TSPAN16: variants seen among roughly 807,000 people sequenced by gnomAD.
TSPAN16 encodes tetraspanin-16.
A neutral mutation model predicts 25.2 loss-of-function variants in TSPAN16; 23 were observed. The observed-to-expected ratio is 0.91, with a 90% CI of 0.66 to 1.29. TSPAN16 has a LOEUF of 1.29. TSPAN16 is among the 50% of genes most tolerant of loss of function. The pLI, the probability that TSPAN16 is intolerant of heterozygous loss-of-function variation, is 0.00. For synonymous variants in TSPAN16, 123 were observed against 124.4 expected, an observed-to-expected ratio of 0.99 and a Z score of 0.08; for missense variants, 272 against 299.9, an observed-to-expected ratio of 0.91 and a Z score of 0.69.
downstream of TSPAN16, among the ~76,000 whole-genome samples, chr19:11,318,268 G>A (rs1568296421): frequency 6.6e-6 from 1 of 151,884 alleles, no homozygotes; most frequent in African/African-American, 2.4e-5. Context: ...CTCGTGATCC[G>A]CCCCCCTAGG....
intron 4 of TSPAN16, among the ~76,000 whole-genome samples, chr19:11,305,462 G>A (rs1188611775): frequency 6.6e-6 from 1 of 151,756 alleles, no homozygotes; most frequent in Non-Finnish European, 1.5e-5. Context: ...CCCAGGAGGT[G>A]GAAGTTGCAG....
Position 11,298,219 on chromosome 19 carries a change from G to T in TSPAN16, c.147G>T (p.Leu49=). The T allele has an allele frequency of 6.2e-7, 1 of 1,614,168 alleles. No individual in the cohort carries two copies. Among genetic ancestry groups the T allele is most frequent in the Non-Finnish European group, 8.5e-7 (1 of 1,180,032 alleles). The change falls in exon 2 of 7, where the codon CTG becomes CTT. Residue 49 remains leucine (L), a synonymous_variant. Transcript: ENST00000590327. The part of the protein sequence containing the change: ...GGASLTNVLG[L]SSAYLLHVGN... ...CCTCTCTGACGAATGTCCTCGGGCT[G>T]TCCTCCGCATACCTCCTTCACGTTG...
chr19:11,321,373 A>T lies in TSPAN16; in HGVS notation c.688-5421A>T, dbSNP rs1242859752. 2.0e-5 allele frequency: 3 copies of T among 152,178 alleles called. No individual in the cohort carries two copies. The East Asian group carries it at 5.8e-4, about 29-fold the overall frequency. The allele number at this position is 152,178 out of a possible 1,614,324, so 9.4% of individuals were successfully genotyped here. On this transcript the variant is annotated intron_variant, in intron 6 of 6. Transcript: ENST00000316737. ...TTATAAAACCATCAGATCTCGTGAG[A>T]ACTCACTTGCTATCAGGAGAACAGC...
intron 4 of TSPAN16, among the ~76,000 whole-genome samples, chr19:11,303,475 A>G (rs1483067864): frequency 2.1e-5 from 3 of 139,734 alleles, no homozygotes; most frequent in Non-Finnish European, 3.1e-5. Flanking sequence ...TCACTTGTTT[A>G]TCTGCTGACC....
chr19:11,303,575 ATT>A (rs56053059), intron 4 of TSPAN16, among the ~76,000 whole-genome samples: 21,209 of 118,654 alleles, frequency 0.18, 1,931 homozygotes, highest in Admixed American at 0.2. Context: ...AAATAAATAA[ATT>A]AAAAAAAAAA....
At chr19:11,325,283 A>G in intron 6 of TSPAN16, 2 of 667,526 alleles carry the variant, frequency 3.0e-6, no homozygotes, top group Non-Finnish European at 5.0e-6. Flanking sequence ...GTCGGGGAGC[A>G]GTTGACAGGA....
intron 4 of TSPAN16, among the ~76,000 whole-genome samples, chr19:11,305,565 T>C (rs2147944744): frequency 6.7e-6 from 1 of 150,250 alleles, no homozygotes; most frequent in East Asian, 2.0e-4. Flanking sequence ...AAAATAAAAA[T>C]AAAAATAAAA....
intron 3 of TSPAN16, chr19:11,300,935 G>A (rs2080538824): frequency 2.9e-6 from 1 of 349,058 alleles, no homozygotes; most frequent in Non-Finnish European, 5.4e-6. Flanking sequence ...ATTCCAAAGA[G>A]CAGATGATTC....
chr19:11,303,577 T>TAAAAAAAAAAAAAAAAA (rs1322861353), intron 4 of TSPAN16, among the ~76,000 whole-genome samples: 1 of 78,302 alleles, frequency 1.3e-5, no homozygotes, highest in Non-Finnish European at 2.7e-5. Flanking sequence ...ATAAATAAAT[T>TAAAAAAAAAAAAAAAAA]AAAAAAAAAA....
At chr19:11,297,717 G>A (rs1168361742) in intron 1 of TSPAN16, among the ~76,000 whole-genome samples, 1 of 151,992 alleles carries the variant, frequency 6.6e-6, no homozygotes, top group African/African-American at 2.4e-5. Flanking sequence ...GGCTGGTCTC[G>A]AACTCCTGAC....
chr19:11,301,460 T>A (rs779642058), intron 4 of TSPAN16, 152 bp downstream of exon 4: 24 of 556,526 alleles, frequency 4.3e-5, no homozygotes, highest in Non-Finnish European at 6.8e-5. Context: ...GCCAACATGG[T>A]GAAACCCCGT....
chr19:11,304,473 GCTGGGACTA>G (rs1418690429), intron 4 of TSPAN16, among the ~76,000 whole-genome samples: 1 of 151,546 alleles, frequency 6.6e-6, no homozygotes, highest in Non-Finnish European at 1.5e-5. Context: ...CTCCCGAGTA[GCTGGGACTA>G]CAGGTGCACA....
At chr19:11,301,347 G>A (rs757217071) in intron 4 of TSPAN16, 39 bp downstream of exon 4, 4 of 1,532,710 alleles carry the variant, frequency 2.6e-6, no homozygotes, top group Non-Finnish European at 2.7e-6. Context: ...TGGTGTAAAG[G>A]TACACAACAT....
chr19:11,320,998 G>A (rs531727686), intron 6 of TSPAN16, among the ~76,000 whole-genome samples: 57 of 152,030 alleles, frequency 3.7e-4, no homozygotes, highest in Middle Eastern at 3.4e-3. Flanking sequence ...GTGAAACCCC[G>A]TCTCTACTAA....
chr19:11,296,614 T>C (rs914111836), intron 1 of TSPAN16, among the ~76,000 whole-genome samples: 1 of 152,220 alleles, frequency 6.6e-6, no homozygotes, highest in Non-Finnish European at 1.5e-5. Context: ...ATGGAAGAGC[T>C]TGGCTCTAAG....
chr19:11,302,819 A>G (rs2080577709), intron 4 of TSPAN16, among the ~76,000 whole-genome samples: 2 of 151,214 alleles, frequency 1.3e-5, no homozygotes, highest in Admixed American at 6.6e-5. Context: ...CCCAGGCTGA[A>G]GCAACCTTCC....
At chr19:11,321,541 G>C (rs1024126764) in intron 6 of TSPAN16, among the ~76,000 whole-genome samples, 2 of 152,182 alleles carry the variant, frequency 1.3e-5, no homozygotes, top group African/African-American at 4.8e-5. Flanking sequence ...CTTGGGTAAG[G>C]GCCATCCAGG....
At chr19:11,302,663 A>ATATATATGTG (rs1555703588) in intron 4 of TSPAN16, among the ~76,000 whole-genome samples, 1 of 105,818 alleles carries the variant, frequency 9.5e-6, no homozygotes, top group Non-Finnish European at 1.8e-5. Flanking sequence ...ACACATACAT[A>ATATATATGTG]TATATATATA....
chr19:11,307,815 C>T (rs890469906), intron 5 of TSPAN16: 1 of 152,162 alleles, frequency 6.6e-6, no homozygotes, highest in African/African-American at 2.4e-5. Flanking sequence ...GAGTGTTCAG[C>T]TTATTTTGAC....
Sources: gnomAD v4.1 joint callset for allele counts (sites outside exome capture counted in the v4.1 genomes callset) on GRCh38, gnomAD v4.1.1 for gene constraint, MANE v1.5 for transcripts, NCBI Gene and HGNC (gene_info 2026-07-23, HGNC 2026-07-21) for gene names.